Variants in NRG1 observed in about 807,000 individuals in gnomAD.
NRG1 encodes neuregulin 1.
Under a neutral mutation model 63.8 loss-of-function variants are expected in NRG1, and 18 were observed. That is an observed-to-expected ratio of 0.28 (90% CI 0.19 to 0.42). The LOEUF (loss-of-function observed/expected upper bound fraction) is 0.42. Among genes scored for constraint, NRG1 ranks in the 10% least tolerant of loss-of-function variants. The pLI, the probability that NRG1 is intolerant of heterozygous loss-of-function variation, is 1.00. For missense variants in NRG1, 762 were observed against 814.7 expected, an observed-to-expected ratio of 0.94 and a Z score of 0.79; for synonymous variants, 302 against 301.3, an observed-to-expected ratio of 1.00 and a Z score of -0.02.
At chr8:31,983,799 A>T (rs977632046) in intron 1 of NRG1, among the ~76,000 whole-genome samples, 1 of 152,112 alleles carries the variant, frequency 6.6e-6, no homozygotes, top group South Asian at 2.1e-4. Context: ...AGGACATCCT[A>T]ATTCAAACCA....
intron 1 of NRG1, among the ~76,000 whole-genome samples, chr8:32,577,014 T>C (rs1371964621): frequency 2.6e-5 from 4 of 152,120 alleles, no homozygotes; most frequent in Non-Finnish European, 5.9e-5. Context: ...GTTTTTGCCA[T>C]CTTTATGTCT....
At chr8:32,071,860 A>G (rs1483289808) in intron 1 of NRG1, among the ~76,000 whole-genome samples, 1 of 152,154 alleles carries the variant, frequency 6.6e-6, no homozygotes, top group African/African-American at 2.4e-5. Context: ...TGGTGATTCA[A>G]TTAGATCATT....
chr8:32,008,694 G>A (rs576588638), intron 1 of NRG1, among the ~76,000 whole-genome samples: 17 of 151,964 alleles, frequency 1.1e-4, no homozygotes, highest in Non-Finnish European at 2.2e-4. Context: ...TTCATTATTG[G>A]TATGATACTA....
intron 1 of NRG1, among the ~76,000 whole-genome samples, chr8:31,984,537 G>C (rs1321330007): frequency 6.6e-6 from 1 of 152,058 alleles, no homozygotes; most frequent in East Asian, 1.9e-4. Flanking sequence ...GTCAGGAAAT[G>C]AGGAACTGCT....
At chr8:32,618,338 G>C (rs1007751111) in intron 5 of NRG1, among the ~76,000 whole-genome samples, 1 of 152,028 alleles carries the variant, frequency 6.6e-6, no homozygotes, top group Non-Finnish European at 1.5e-5. Flanking sequence ...AACCCTTCAT[G>C]CTATCATCAA....
At chr8:32,236,232 A>G (rs1847546060) in intron 1 of NRG1, among the ~76,000 whole-genome samples, 2 of 151,998 alleles carry the variant, frequency 1.3e-5, no homozygotes, top group African/African-American at 4.8e-5. Flanking sequence ...CCCACCCTGC[A>G]AGTGTATCTC....
intron 1 of NRG1, among the ~76,000 whole-genome samples, chr8:31,677,927 CAGA>C (rs1807891449): frequency 6.6e-6 from 1 of 151,902 alleles, no homozygotes; most frequent in African/African-American, 2.4e-5. Context: ...AAATATACCT[CAGA>C]AGTTGGATTT....
At chr8:31,639,294 T>G in exon 1 of NRG1, 1 of 1,431,480 alleles carries the variant, frequency 7.0e-7, no homozygotes, top group Non-Finnish European at 9.5e-7. Flanking sequence ...CCGCCCGTCC[T>G]CCCATTGCAG....
chr8:32,551,434 G>A (rs1834087783), intron 1 of NRG1, among the ~76,000 whole-genome samples: 1 of 152,158 alleles, frequency 6.6e-6, no homozygotes, highest in Non-Finnish European at 1.5e-5. Flanking sequence ...GACAGTCAGG[G>A]GAGAGATAAT....
intron 1 of NRG1, among the ~76,000 whole-genome samples, chr8:32,592,975 ATTC>A (rs1159923876): frequency 1.3e-5 from 2 of 152,348 alleles, no homozygotes; most frequent in South Asian, 4.1e-4. Flanking sequence ...TATATATGGT[ATTC>A]TTATAATACA....
chr8:32,582,349 C>A (rs191731027), intron 1 of NRG1, among the ~76,000 whole-genome samples: 27 of 152,304 alleles, frequency 1.8e-4, no homozygotes, highest in African/African-American at 5.8e-4. Context: ...CTGCCTACCT[C>A]AGCCTCCCAA....
intron 1 of NRG1, among the ~76,000 whole-genome samples, chr8:32,380,327 C>G (rs1587229805): frequency 6.6e-6 from 1 of 152,082 alleles, no homozygotes; most frequent in Admixed American, 6.6e-5. Context: ...TTTGCCAGTT[C>G]TTCTGTCTTT....
chr8:32,673,566 A>C (rs575894355), intron 5 of NRG1, among the ~76,000 whole-genome samples: 10 of 152,276 alleles, frequency 6.6e-5, no homozygotes, highest in Admixed American at 5.2e-4. Flanking sequence ...ATTTTAAGTT[A>C]TGGCTCTTTG....
intron 1 of NRG1, among the ~76,000 whole-genome samples, chr8:32,238,077 G>A (rs1008838456): frequency 2.6e-5 from 4 of 152,140 alleles, no homozygotes; most frequent in African/African-American, 7.2e-5. Flanking sequence ...TTTCTTGTCA[G>A]TTTTGCTCCA....
chr8:32,206,319 T>A (rs1299071999), intron 1 of NRG1, among the ~76,000 whole-genome samples: 2 of 152,072 alleles, frequency 1.3e-5, no homozygotes, highest in Admixed American at 1.3e-4. Flanking sequence ...TCGTGAAGCA[T>A]TCCAAAGTGA....
chr8:32,340,139 G>T (rs1313817187), intron 1 of NRG1, among the ~76,000 whole-genome samples: 1 of 152,170 alleles, frequency 6.6e-6, no homozygotes, highest in African/African-American at 2.4e-5. Flanking sequence ...GAGATTAATT[G>T]GCATTTAATG....
At chr8:32,416,225 A>G (rs1815889722) in intron 1 of NRG1, among the ~76,000 whole-genome samples, 1 of 152,124 alleles carries the variant, frequency 6.6e-6, no homozygotes, top group Admixed American at 6.5e-5. Flanking sequence ...TTGTGATATA[A>G]AGTGTTAAGT....
At chr8:32,202,308 A>T (rs1285299818) in intron 1 of NRG1, among the ~76,000 whole-genome samples, 1 of 152,108 alleles carries the variant, frequency 6.6e-6, no homozygotes, top group Non-Finnish European at 1.5e-5. Context: ...GACTCCCTTC[A>T]CAGGACTTGT....
intron 1 of NRG1, among the ~76,000 whole-genome samples, chr8:32,417,142 T>A (rs547319484): frequency 3.0e-4 from 46 of 152,258 alleles, no homozygotes; most frequent in African/African-American, 1.1e-3. Context: ...ACACTATTAA[T>A]ATTACTAGAG....
Sources: gnomAD v4.1 joint callset for allele counts (sites outside exome capture counted in the v4.1 genomes callset) on GRCh38, gnomAD v4.1.1 for gene constraint, MANE v1.5 for transcripts, NCBI Gene and HGNC (gene_info 2026-07-23, HGNC 2026-07-21) for gene names.